LONP1: variants seen among roughly 807,000 people sequenced by gnomAD.
LONP1 encodes the protein lon protease homolog, mitochondrial.
In LONP1, 31 loss-of-function variants were observed where a neutral mutation model predicts 98.5. That is an observed-to-expected ratio of 0.31 (90% CI 0.24 to 0.42). The LOEUF is 0.42. Among genes scored for constraint, LONP1 ranks in the 20% least tolerant of loss-of-function variants. The pLI, the probability that LONP1 is intolerant of heterozygous loss-of-function variation, is 1.00. For missense variants in LONP1, 1,336 were observed against 1,350.6 expected (o/e 0.99, Z 0.17); for synonymous variants, 781 against 594.7 (o/e 1.31, Z -4.56).
chr19:5,694,266 C>A (rs1159446603), intron 15 of LONP1, 121 bp downstream of exon 15: 20 of 1,340,216 alleles, frequency 1.5e-5, no homozygotes, highest in Non-Finnish European at 1.8e-5. Context: ...GCACACCACC[C>A]CCCGCCAGAG....
At chr19:5,698,435 A>G (rs1231628839) in intron 10 of LONP1, among the ~76,000 whole-genome samples, 1 of 152,228 alleles carries the variant, frequency 6.6e-6, no homozygotes, top group Non-Finnish European at 1.5e-5. Flanking sequence ...GGGAAGCCCC[A>G]GAAAAGCCGC....
chr19:5,702,753 C>T (rs557321074), intron 8 of LONP1, among the ~76,000 whole-genome samples: 8 of 151,472 alleles, frequency 5.3e-5, no homozygotes, highest in Non-Finnish European at 7.4e-5. Flanking sequence ...TGTGCTGTGT[C>T]CACTCAGGGT....
chr19:5,708,500 C>T, intron 4 of LONP1, 97 bp from the exon 5 acceptor site: 1 of 901,146 alleles, frequency 1.1e-6, no homozygotes, highest in South Asian at 1.5e-5. Flanking sequence ...CCCACCAGCT[C>T]CATCAACTCC....
At chr19:5,692,280 G>T in intron 17 of LONP1, 72 bp from the exon 18 acceptor site, 1 of 1,453,564 alleles carries the variant, frequency 6.9e-7, no homozygotes, top group Non-Finnish European at 9.4e-7. Context: ...CTCCAGGAAC[G>T]AAAGGGCTTC....
chr19:5,698,968 C>A, intron 10 of LONP1, 59 bp downstream of exon 10: 1 of 1,503,976 alleles, frequency 6.6e-7, no homozygotes, highest in Non-Finnish European at 9.0e-7. Context: ...CCGGAGAAGA[C>A]GAAGCCCGGC....
chr19:5,696,539 C>G, intron 11 of LONP1, 131 bp downstream of exon 11: 1 of 1,283,186 alleles, frequency 7.8e-7, no homozygotes. Context: ...GGGACCCGTC[C>G]GTGCCATCAG....
intron 9 of LONP1, among the ~76,000 whole-genome samples, chr19:5,699,555 GTTT>G (rs35759031): frequency 0.045 from 5,343 of 118,428 alleles, 155 homozygotes; most frequent in African/African-American, 0.11. Flanking sequence ...TCTGGCTCCT[GTTT>G]TTTTTTTTTT....
upstream of LONP1, chr19:5,720,445 A>G (rs2145647749): frequency 3.4e-6 from 2 of 592,404 alleles, no homozygotes; most frequent in East Asian, 2.9e-5. Flanking sequence ...CAGCCTGTGC[A>G]CATGCTTAGG....
intron 13 of LONP1, among the ~76,000 whole-genome samples, chr19:5,695,652 C>G (rs1009423677): frequency 6.6e-6 from 1 of 152,182 alleles, no homozygotes; most frequent in African/African-American, 2.4e-5. Flanking sequence ...AAATATGGGC[C>G]CCTGCATGCT....
chr19:5,696,832 G>A, intron 10 of LONP1, 75 bp from the exon 11 acceptor site: 1 of 999,620 alleles, frequency 1.0e-6, no homozygotes, highest in Non-Finnish European at 1.5e-6. Flanking sequence ...ACCCTCCAGG[G>A]CCACAGGGGA....
Position 5,705,824 on chromosome 19 carries a change from C to T in LONP1, c.1315G>A (p.Asp439Asn), listed in dbSNP as rs151272187. The T allele has an allele frequency of 2.5e-6, 4 of 1,614,052 alleles. No individual in the cohort carries two copies. In the African/African-American group the frequency reaches 5.3e-5, roughly 22 times the overall value. The change falls in exon 8 of 18, where the codon GAC becomes AAC. Residue 439 changes from aspartate to asparagine, a missense_variant. Asp to Asn is a conservative substitution (Grantham distance 23). Transcript: ENST00000360614. ...VVPKHVMDVV[D>N]EELSKLGLLD... The stretch of plus-strand genomic sequence containing the variant: ...AGGCCCAGCTTGCTCAGCTCCTCGT[C>T]CACAACATCCATGACGTGCTTGGGG...
intron 6 of LONP1, among the ~76,000 whole-genome samples, chr19:5,707,495 T>C (rs1442804227): frequency 6.6e-6 from 1 of 152,106 alleles, no homozygotes; most frequent in Non-Finnish European, 1.5e-5. Context: ...CGGATGGATG[T>C]GGACCAAGAC....
At position 5,720,105 on chromosome 19, in the gene LONP1, G is replaced by C. The variant is rs1485717925; in HGVS notation, c.28C>G (p.Leu10Val). The C allele has an allele frequency of 1.4e-6, 2 of 1,461,394 alleles. No homozygotes were observed. Among genetic ancestry groups the C allele is most frequent in the Admixed American group, 2.8e-5 (1 of 36,018 alleles). 90.5% of individuals were successfully genotyped at this position (1,461,394 alleles called of 1,614,324 possible). The change falls in exon 1 of 18, where the codon CTG becomes GTG. Residue 10 changes from leucine (L) to valine (V), a missense_variant. This residue lies in a region of LONP1 where 457 missense variants were observed against 403.1 expected (regional missense o/e 1.13). Transcript: ENST00000360614. MAASTGYVRLWGAARCWVLR... is the reference protein window; with the variant it reads MAASTGYVRVWGAARCWVLR... ...ACCCAGCACCGCGCCGCTCCCCACA[G>C]TCGCACGTAGCCAGTGCTCGCCGCC... is the stretch of plus-strand genomic sequence containing the variant.
intron 9 of LONP1, 131 bp downstream of exon 9, chr19:5,700,658 C>T: frequency 3.2e-6 from 4 of 1,264,864 alleles, no homozygotes; most frequent in Admixed American, 2.4e-5. Context: ...CCGCCGGGAT[C>T]CCCCCGACCA....
chr19:5,720,379 A>C (rs1301588072), upstream of LONP1: 2 of 612,790 alleles, frequency 3.3e-6, no homozygotes, highest in Non-Finnish European at 5.4e-6. Flanking sequence ...AGCAGGCGCC[A>C]GCGCCCGTAC....
chr19:5,718,807 T>C (rs1013464261), intron 1 of LONP1, among the ~76,000 whole-genome samples: 6 of 152,048 alleles, frequency 3.9e-5, no homozygotes, highest in Admixed American at 3.3e-4. Flanking sequence ...TACATCATCC[T>C]GCTCCCTCCC....
rs1179338759 is a variant in LONP1, at chr19:5,694,275, A to C, written c.2320+112T>G. On this transcript the variant is annotated intron_variant, in intron 15 of 17. Transcript: ENST00000360614. Reference sequence around the variant, plus strand: ...CTCCCAGCACACCACCCCCCGCCAGAGGCCGTTCAGAGCCACCTGAGGCCC... The same window carrying C: ...CTCCCAGCACACCACCCCCCGCCAGCGGCCGTTCAGAGCCACCTGAGGCCC... The C allele has an allele frequency of 2.1e-6, 3 of 1,408,540 alleles. No homozygotes were observed. In the East Asian group the frequency reaches 7.3e-5, roughly 34 times the overall value. The allele number at this position is 1,408,540 out of a possible 1,614,324, so 87.3% of individuals were successfully genotyped here.
chr19:5,702,796 T>C (rs1423433345), intron 8 of LONP1, among the ~76,000 whole-genome samples: 1 of 151,248 alleles, frequency 6.6e-6, no homozygotes, highest in Non-Finnish European at 1.5e-5. Context: ...AGATGTGCTT[T>C]GTTAAACAGA....
At chr19:5,704,696 C>T (rs889501510) in intron 8 of LONP1, among the ~76,000 whole-genome samples, 1 of 152,222 alleles carries the variant, frequency 6.6e-6, no homozygotes, top group Admixed American at 6.5e-5. Flanking sequence ...ACCTGAGGCC[C>T]TCAAACCTGG....
Sources: gnomAD v4.1 joint callset for allele counts (sites outside exome capture counted in the v4.1 genomes callset) on GRCh38, gnomAD v4.1.1 for gene constraint, gnomAD v4.1.1 regional missense constraint, MANE v1.5 for transcripts, NCBI Gene and HGNC (gene_info 2026-07-23, HGNC 2026-07-21) for gene names.